SLC30A7: variants seen among roughly 807,000 people sequenced by gnomAD.
SLC30A7 encodes zinc transporter 7.
A neutral mutation model predicts 46.0 loss-of-function variants in SLC30A7; 35 were observed. The ratio of observed to expected loss-of-function variants is 0.76; its 90% CI spans 0.58 to 1.01. The LOEUF (loss-of-function observed/expected upper bound fraction) is 1.01. Among genes scored for constraint, SLC30A7 ranks in the 50% least tolerant of loss-of-function variants. The pLI is 0.00. For missense variants in SLC30A7, 464 were observed against 451.1 expected, an observed-to-expected ratio of 1.03 and a Z score of -0.26; for synonymous variants, 147 against 157.8, an observed-to-expected ratio of 0.93 and a Z score of 0.51.
At chr1:100,956,826 A>G (rs1292096394) in intron 8 of SLC30A7, among the ~76,000 whole-genome samples, 1 of 152,236 alleles carries the variant, frequency 6.6e-6, no homozygotes, top group Non-Finnish European at 1.5e-5. Flanking sequence ...CCAATTAAGA[A>G]AACCATTTAC....
rs899733195 is a variant in SLC30A7 at position 100,979,818 on chromosome 1, T to C, written c.*4961T>C. ...CTGGGGAATCTAGCCAGTAGTAGAG[T>C]ACTGATTAATCAGGTGCTGACATCT... On this transcript the variant is annotated 3_prime_UTR_variant, in exon 11 of 11. Transcript: ENST00000357650. 6.6e-6 allele frequency: 1 copy of C among 152,118 alleles called. No homozygotes were observed. The highest frequency in any genetic ancestry group is 1.5e-5 in the Non-Finnish European group (1 of 67,998). 9.4% of individuals were successfully genotyped at this position (152,118 alleles called of 1,614,324 possible). A position where few individuals can be genotyped will look rare whatever the true frequency, so the allele number is the denominator to read the frequency against.
chr1:100,986,821 A>T, the SLC30A7 span, among the ~76,000 whole-genome samples: 1 of 152,216 alleles, frequency 6.6e-6, no homozygotes, highest in African/African-American at 2.4e-5. Flanking sequence ...TGGGTGATGA[A>T]ACCGTTCTGT....
At chr1:100,958,464 C>G (rs1323879334) in intron 8 of SLC30A7, among the ~76,000 whole-genome samples, 1 of 152,222 alleles carries the variant, frequency 6.6e-6, no homozygotes. Context: ...GCGTGAGCCA[C>G]CGCACCCGGC....
In SLC30A7 at chr1:100,977,551, T is replaced by G. The variant is rs1656610052; in HGVS notation, c.*2694T>G. ...TACTACCAGATTATTGTTATAAAATTAATTTACAATGTCCCTGATATTGAG... is the reference window on the plus strand; with the variant it reads ...TACTACCAGATTATTGTTATAAAATGAATTTACAATGTCCCTGATATTGAG... On this transcript the variant is annotated 3_prime_UTR_variant, in exon 11 of 11. Transcript: ENST00000357650. The G allele has an allele frequency of 6.6e-6, 1 of 152,144 alleles. No homozygotes were observed. The allele number at this position is 152,144 out of a possible 1,614,324, so 9.4% of individuals were successfully genotyped here. A position where few individuals can be genotyped will look rare whatever the true frequency, so the allele number is the denominator to read the frequency against.
chr1:100,984,289 A>G (rs1006198837), downstream of SLC30A7, among the ~76,000 whole-genome samples: 3 of 152,200 alleles, frequency 2.0e-5, no homozygotes, highest in Non-Finnish European at 1.5e-5. Context: ...TGAAAGTATG[A>G]AATAGTATCA....
chr1:100,926,169 A>G (rs1016314713), intron 8 of SLC30A7, among the ~76,000 whole-genome samples: 2 of 152,214 alleles, frequency 1.3e-5, no homozygotes, highest in Admixed American at 6.5e-5. Context: ...GTTTCAGGTC[A>G]TATGATTGGA....
chr1:100,906,349 G>A (rs1013228779), intron 2 of SLC30A7, among the ~76,000 whole-genome samples: 4 of 152,314 alleles, frequency 2.6e-5, no homozygotes, highest in Middle Eastern at 3.4e-3. Context: ...GCAAGCCTGT[G>A]CACCTCAGTG....
chr1:100,951,301 A>G lies in SLC30A7; in HGVS notation c.843-10527A>G, dbSNP rs116557027. 3.7e-3 allele frequency among the ~76,000 whole-genome samples: 556 copies of G among 152,320 alleles called. 6 individuals carry two copies. The highest frequency in any genetic ancestry group is 0.013 in the African/African-American group (538 of 41,566). ...ACTCATTTAGAAAAAGCAAAGCAAT[A>G]ACAACAAATAACAGCGAAAAAGGGA... is the stretch of plus-strand genomic sequence containing the variant. On this transcript the variant is annotated intron_variant, in intron 8 of 10. Coordinates refer to ENST00000357650, the MANE Select transcript of SLC30A7 (RefSeq NM_133496.5).
chr1:100,921,890 A>T (rs751656251), intron 8 of SLC30A7, 49 bp downstream of exon 8: 1 of 1,488,106 alleles, frequency 6.7e-7, no homozygotes, highest in South Asian at 1.2e-5. Context: ...TGAGAGAGAA[A>T]TATGTTACTT....
chr1:100,942,100 G>A (rs1372193453), intron 8 of SLC30A7: 1 of 183,200 alleles, frequency 5.5e-6, no homozygotes, highest in East Asian at 1.6e-4. Flanking sequence ...GTATAAGGAA[G>A]AAATAGAAAT....
chr1:100,911,145 G>A lies in SLC30A7; in HGVS notation c.379G>A (p.Val127Ile). The A allele has an allele frequency of 6.2e-7, 1 of 1,600,944 alleles. No individual in the cohort carries two copies. The highest frequency in any genetic ancestry group is 8.5e-7 in the Non-Finnish European group (1 of 1,169,754). The change falls in exon 4 of 11, where the codon GTT becomes ATT. Residue 127 changes from valine to isoleucine, a missense_variant. Transcript: ENST00000357650. ...FTAFFIFSEG[V>I]ERALAPPDVH... is the part of the protein sequence containing the mutation. ...TGCTTTTTTTATTTTCTCAGAAGGA[G>A]TTGAGGTATAGTAGATAATTATTAA...
intron 8 of SLC30A7, among the ~76,000 whole-genome samples, chr1:100,927,501 C>T (rs1373237838): frequency 3.9e-5 from 6 of 152,098 alleles, no homozygotes; most frequent in Non-Finnish European, 8.8e-5. Context: ...ATGGAGATAG[C>T]AACTAAGTCA....
rs546403131 is a variant in SLC30A7 at position 100,958,272 on chromosome 1, G to C, written c.843-3556G>C. Among the ~76,000 whole-genome samples the C allele has an allele frequency of 6.3e-3, 961 of 152,228 alleles. 15 individuals are homozygous for C. Among genetic ancestry groups the C allele is most frequent in the African/African-American group, 0.02 (834 of 41,542 alleles). ...GCTCACTGCAAGCTCCACCTCCCGG[G>C]TTCACGCCATTCTCCTGCCTCAGCC... On this transcript the variant is annotated intron_variant, in intron 8 of 10. Coordinates refer to ENST00000357650, the MANE Select transcript of SLC30A7 (RefSeq NM_133496.5).
At chr1:100,925,685 AAAAG>A (rs1653249657) in intron 8 of SLC30A7, among the ~76,000 whole-genome samples, 1 of 152,210 alleles carries the variant, frequency 6.6e-6, no homozygotes, top group Non-Finnish European at 1.5e-5. Flanking sequence ...TGTCATTACT[AAAAG>A]AGAGGGGACT....
At chr1:100,900,309 T>TTA (rs1395972917) in intron 2 of SLC30A7, among the ~76,000 whole-genome samples, 4 of 152,250 alleles carry the variant, frequency 2.6e-5, no homozygotes, top group Admixed American at 6.5e-5. Flanking sequence ...TAAAGGTTAA[T>TTA]GTCTTTGTGT....
chr1:100,916,224 T>C (rs1431741655), intron 6 of SLC30A7, among the ~76,000 whole-genome samples: 1 of 152,150 alleles, frequency 6.6e-6, no homozygotes, highest in Non-Finnish European at 1.5e-5. Flanking sequence ...TCTCGCTCTG[T>C]CACCCAGGCT....
chr1:100,949,932 G>A (rs1473570947), intron 8 of SLC30A7, among the ~76,000 whole-genome samples: 1 of 152,136 alleles, frequency 6.6e-6, no homozygotes, highest in Non-Finnish European at 1.5e-5. Flanking sequence ...GCTTCCCTTG[G>A]CTAGGAAAGG....
At chr1:100,985,904 A>C (rs572711222), downstream of SLC30A7, among the ~76,000 whole-genome samples, 3 of 152,360 alleles carry the variant, frequency 2.0e-5, no homozygotes, top group African/African-American at 4.8e-5. Flanking sequence ...ATGGGAAGAA[A>C]ATATTTGCAG....
At chr1:100,995,175 T>C in the SLC30A7 span, 3 of 1,503,070 alleles carry the variant, frequency 2.0e-6, no homozygotes, top group Non-Finnish European at 2.8e-6. Flanking sequence ...ATAGTTCTTT[T>C]AATTTAATTA....
Sources: gnomAD v4.1 joint callset for allele counts (sites outside exome capture counted in the v4.1 genomes callset) on GRCh38, gnomAD v4.1.1 for gene constraint, MANE v1.5 for transcripts, NCBI Gene and HGNC (gene_info 2026-07-23, HGNC 2026-07-21) for gene names.